The following OSBPL8 variants were observed in gnomAD, a reference collection of about 807,000 sequenced individuals.
OSBPL8 encodes the protein oxysterol-binding protein-related protein 8.
In OSBPL8, 59 loss-of-function variants were observed where a neutral mutation model predicts 125.5. That is an observed-to-expected ratio of 0.47 (90% CI 0.38 to 0.58). The LOEUF (loss-of-function observed/expected upper bound fraction) is 0.58, where lower values mean the gene tolerates loss of function less well. Ranked by LOEUF, OSBPL8 falls within the 20% of genes least tolerant of loss-of-function variation. The pLI, the probability that OSBPL8 is intolerant of heterozygous loss-of-function variation, is 0.00. For synonymous variants in OSBPL8, 330 were observed against 338.9 expected (o/e 0.97, Z 0.29); for missense variants, 758 against 1,047.8 (o/e 0.72, Z 3.82).
chr12:76,437,977 T>C (rs972585377), intron 4 of OSBPL8, among the ~76,000 whole-genome samples: 1 of 148,608 alleles, frequency 6.7e-6, no homozygotes, highest in Non-Finnish European at 1.5e-5. Flanking sequence ...AAGTAAAACT[T>C]CTTCTTTTTT....
At chr12:76,488,062 C>T (rs926528763) in intron 1 of OSBPL8, among the ~76,000 whole-genome samples, 1 of 152,022 alleles carries the variant, frequency 6.6e-6, no homozygotes, top group African/African-American at 2.4e-5. Flanking sequence ...ATGTTTTAAT[C>T]CAGCAATTTC....
At chr12:76,434,197 C>T (rs1430883597) in intron 4 of OSBPL8, among the ~76,000 whole-genome samples, 1 of 151,962 alleles carries the variant, frequency 6.6e-6, no homozygotes, top group Non-Finnish European at 1.5e-5. Flanking sequence ...CAGAAATAAG[C>T]CCACACATTA....
rs181041225 is a variant in OSBPL8, at chr12:76,384,377, A to T, written c.1534-27T>A. 2.3e-4 allele frequency: 267 copies of T among 1,155,872 alleles called. 1 individual carries two copies. In the African/African-American group the frequency reaches 3.4e-3, roughly 15 times the overall value. 71.6% of individuals were successfully genotyped at this position (1,155,872 alleles called of 1,614,324 possible). On this transcript the variant is annotated intron_variant, in intron 14 of 23. Transcript: ENST00000261183. ...TATTAAACATAAGAAAAACATGCAT[A>T]TATAAAATATAAAAACATGTTTATA...
chr12:76,402,881 A>T, intron 5 of OSBPL8, 115 bp from the exon 6 acceptor site: 1 of 696,294 alleles, frequency 1.4e-6, no homozygotes, highest in South Asian at 1.8e-5. Flanking sequence ...GATTTAAGCA[A>T]ATGTCAATTT....
Position 76,359,033 on chromosome 12 carries a change from C to T in OSBPL8, c.2329-222G>A, listed in dbSNP as rs1235987346. On this transcript the variant is annotated intron_variant, in intron 21 of 23. Coordinates refer to ENST00000261183, the MANE Select transcript of OSBPL8 (RefSeq NM_020841.5). ...GGCACAAATGTCAAAAAGTAAAATA[C>T]ACAATGAAGAGTATACCCAGTCTCT... Among the ~76,000 whole-genome samples, 13 of 152,272 alleles carry T rather than the reference C, an allele frequency of 8.5e-5. No homozygotes were observed. The South Asian group carries it at 2.5e-3, about 29-fold the overall frequency.
chr12:76,433,907 G>A (rs1311030032), intron 4 of OSBPL8, among the ~76,000 whole-genome samples: 14 of 150,756 alleles, frequency 9.3e-5, no homozygotes, highest in East Asian at 5.9e-4. Context: ...CCCAGGAGGC[G>A]GAGGTTGCAG....
At chr12:76,533,841 TA>T (rs1354915033) in intron 1 of OSBPL8, among the ~76,000 whole-genome samples, 1 of 152,158 alleles carries the variant, frequency 6.6e-6, no homozygotes, top group East Asian at 1.9e-4. Context: ...TTCAAATGCA[TA>T]ACCAACATCT....
intron 15 of OSBPL8, among the ~76,000 whole-genome samples, chr12:76,383,713 G>T (rs1953163129): frequency 6.6e-6 from 1 of 151,948 alleles, no homozygotes; most frequent in Non-Finnish European, 1.5e-5. Context: ...ATGTTTTACT[G>T]GTATATAGCT....
intron 1 of OSBPL8, among the ~76,000 whole-genome samples, chr12:76,493,716 C>A (rs1240912101): frequency 2.0e-5 from 3 of 152,040 alleles, no homozygotes; most frequent in Non-Finnish European, 4.4e-5. Flanking sequence ...TAGTTGGAGA[C>A]CTTTGAGATT....
chr12:76,394,765 G>C, intron 8 of OSBPL8, 36 bp from the exon 9 acceptor site: 1 of 1,440,250 alleles, frequency 6.9e-7, no homozygotes, highest in Non-Finnish European at 9.6e-7. Context: ...ATGGTATAGA[G>C]TAATTATTAT....
In OSBPL8 at chr12:76,520,281, A is replaced by G. The variant is rs369295191; in HGVS notation, c.-67-32663T>C. ...AGAATATGGACTCCATTTCTTCTCT[A>G]GTGCAGAGTTCTTTCTTCCTTGGCA... On this transcript the variant is annotated intron_variant, in intron 1 of 23. Coordinates refer to ENST00000261183, the MANE Select transcript of OSBPL8 (RefSeq NM_020841.5). Among the ~76,000 whole-genome samples, 8 of 152,352 alleles carry G rather than the reference A, an allele frequency of 5.3e-5. No individual in the cohort carries two copies. The South Asian group carries it at 1.7e-3, about 32-fold the overall frequency.
In OSBPL8 at chr12:76,478,159, G is replaced by A. The variant is rs143788376; in HGVS notation, c.42+9351C>T. Among the ~76,000 whole-genome samples the A allele has an allele frequency of 3.2e-3, 482 of 152,008 alleles. 2 individuals are homozygous for A. Among genetic ancestry groups the A allele is most frequent in the Non-Finnish European group, 5.4e-3 (368 of 67,970 alleles). Reference sequence around the variant, plus strand: ...AGAGGCTTCAGTGAGCTGAGACTGCGCCTCTGCACTCCAGCCTAGGCAACA... The same window carrying A: ...AGAGGCTTCAGTGAGCTGAGACTGCACCTCTGCACTCCAGCCTAGGCAACA... On this transcript the variant is annotated intron_variant, in intron 2 of 23. Transcript: ENST00000261183.
At chr12:76,372,027 C>G (rs1012261744) in intron 18 of OSBPL8, among the ~76,000 whole-genome samples, 1 of 152,172 alleles carries the variant, frequency 6.6e-6, no homozygotes, top group Admixed American at 6.6e-5. Flanking sequence ...AATTTGAGGT[C>G]TATCTCTATC....
At chr12:76,442,196 T>TA (rs1249127028) in intron 4 of OSBPL8, among the ~76,000 whole-genome samples, 1 of 152,184 alleles carries the variant, frequency 6.6e-6, no homozygotes, top group Non-Finnish European at 1.5e-5. Flanking sequence ...CCTATCTTTG[T>TA]AAAGATGCTT....
intron 1 of OSBPL8, among the ~76,000 whole-genome samples, chr12:76,513,883 C>T (rs1176425034): frequency 6.6e-6 from 1 of 151,312 alleles, no homozygotes; most frequent in Non-Finnish European, 1.5e-5. Flanking sequence ...CTTTTTTATC[C>T]AGTTTGTTGC....
intron 2 of OSBPL8, among the ~76,000 whole-genome samples, chr12:76,466,260 CTTAT>C (rs1875422185): frequency 6.6e-6 from 1 of 151,914 alleles, no homozygotes; most frequent in Non-Finnish European, 1.5e-5. Flanking sequence ...CAAAAAAGAA[CTTAT>C]TTACATTTTG....
At chr12:76,510,016 T>A (rs984187659) in intron 1 of OSBPL8, among the ~76,000 whole-genome samples, 9 of 152,204 alleles carry the variant, frequency 5.9e-5, no homozygotes, top group Non-Finnish European at 1.2e-4. Flanking sequence ...AAGCCACTTT[T>A]CTCATAGACA....
At chr12:76,506,480 G>A (rs1352845640) in intron 1 of OSBPL8, among the ~76,000 whole-genome samples, 1 of 152,158 alleles carries the variant, frequency 6.6e-6, no homozygotes, top group East Asian at 1.9e-4. Flanking sequence ...AGAGCGCTGA[G>A]GTGCTCCAGT....
intron 4 of OSBPL8, among the ~76,000 whole-genome samples, chr12:76,429,421 T>C (rs1870545694): frequency 6.6e-6 from 1 of 151,930 alleles, no homozygotes; most frequent in Non-Finnish European, 1.5e-5. Flanking sequence ...ACATGTTCAT[T>C]ATATGTTGAC....
Sources: gnomAD v4.1 joint callset for allele counts (sites outside exome capture counted in the v4.1 genomes callset) on GRCh38, gnomAD v4.1.1 for gene constraint, MANE v1.5 for transcripts, NCBI Gene and HGNC (gene_info 2026-07-23, HGNC 2026-07-21) for gene names.